Variants in LRRIQ1 observed in about 807,000 individuals in gnomAD.
The protein encoded by LRRIQ1 is leucine-rich repeat- and IQ domain-containing protein 1.
A neutral mutation model predicts 211.9 loss-of-function variants in LRRIQ1; 210 were observed. The observed-to-expected ratio is 0.99, with a 90% CI of 0.89 to 1.11. LRRIQ1 has a LOEUF of 1.11. Among genes scored for constraint, LRRIQ1 ranks in the 50% most tolerant of loss-of-function variants. The pLI is 0.00. For missense variants in LRRIQ1, 2,136 were observed against 1,939.5 expected (o/e 1.10, Z -1.90); for synonymous variants, 699 against 650.1 (o/e 1.08, Z -1.14).
At chr12:85,209,008 A>C (rs1893703359) in intron 24 of LRRIQ1, among the ~76,000 whole-genome samples, 1 of 152,062 alleles carries the variant, frequency 6.6e-6, no homozygotes, top group Admixed American at 6.6e-5. Flanking sequence ...ACAACTTTAA[A>C]CTCACCAGTT....
intron 24 of LRRIQ1, among the ~76,000 whole-genome samples, chr12:85,214,145 T>A (rs1893967135): frequency 6.6e-6 from 1 of 152,020 alleles, no homozygotes; most frequent in African/African-American, 2.4e-5. Flanking sequence ...TAATATTTTT[T>A]AATCAAATAT....
In LRRIQ1 at chr12:85,159,889, A is replaced by G. The variant is rs545400604; in HGVS notation, c.4721-724A>G. Reference sequence around the variant, plus strand: ...TTTAATAACACCTGAGATTACATATATTAATACTTATGAAATGTACCTAAA... The same window carrying G: ...TTTAATAACACCTGAGATTACATATGTTAATACTTATGAAATGTACCTAAA... On this transcript the variant is annotated intron_variant, in intron 23 of 26. Transcript: ENST00000393217. Among the ~76,000 whole-genome samples, 7 of 152,104 alleles carry G rather than the reference A, an allele frequency of 4.6e-5. No individual in the cohort carries two copies. The South Asian group carries it at 8.3e-4, about 18-fold the overall frequency.
chr12:85,103,542 G>A (rs1886545260), intron 13 of LRRIQ1, among the ~76,000 whole-genome samples: 1 of 151,606 alleles, frequency 6.6e-6, no homozygotes, highest in Non-Finnish European at 1.5e-5. Flanking sequence ...AATTTCTCCT[G>A]TTGAAAAGTG....
intron 6 of LRRIQ1, among the ~76,000 whole-genome samples, chr12:85,050,576 A>G (rs1309124104): frequency 1.3e-5 from 2 of 152,116 alleles, no homozygotes; most frequent in Non-Finnish European, 2.9e-5. Flanking sequence ...CTTCTTTTTT[A>G]TTACTATCTT....
At chr12:85,243,065 T>C (rs893403845) in intron 26 of LRRIQ1, among the ~76,000 whole-genome samples, 1 of 151,490 alleles carries the variant, frequency 6.6e-6, no homozygotes, top group African/African-American at 2.4e-5. Flanking sequence ...CATTTTACAA[T>C]ATTAAGGCTT....
chr12:85,072,091 A>G (rs1883146480), intron 10 of LRRIQ1, among the ~76,000 whole-genome samples: 2 of 151,982 alleles, frequency 1.3e-5, no homozygotes, highest in African/African-American at 4.8e-5. Flanking sequence ...TTTCAATCGT[A>G]TTGACATACT....
Position 85,137,844 on chromosome 12 carries a change from G to A in LRRIQ1, c.4210-6G>A. 1 of 1,579,694 alleles carries A rather than the reference G, an allele frequency of 6.3e-7. No homozygotes were observed. On this transcript the variant is annotated splice_region_variant and splice_polypyrimidine_tract_variant and intron_variant, in intron 18 of 26. Coordinates refer to ENST00000393217, the MANE Select transcript of LRRIQ1 (RefSeq NM_001079910.2). ...TTTGTATAACATACTTTACATTTTT[G>A]TTTAGGCAGTTTGGAAGGGCTTTAT...
At chr12:85,170,485 T>C (rs1891365340) in intron 24 of LRRIQ1, among the ~76,000 whole-genome samples, 2 of 150,520 alleles carry the variant, frequency 1.3e-5, no homozygotes, top group South Asian at 2.1e-4. Flanking sequence ...GTATATATAA[T>C]TTACATATCC....
chr12:85,137,823 T>G, intron 18 of LRRIQ1, 27 bp from the exon 19 acceptor site: 1 of 1,558,250 alleles, frequency 6.4e-7, no homozygotes, highest in Non-Finnish European at 8.6e-7. Context: ...TATAACTTTG[T>G]ATAACATACT....
intron 8 of LRRIQ1, among the ~76,000 whole-genome samples, chr12:85,063,627 A>T (rs1032898193): frequency 6.6e-6 from 1 of 151,598 alleles, no homozygotes. Flanking sequence ...CAAATACTAG[A>T]TCATATTCAT....
chr12:85,046,443 G>T (rs557116164), intron 5 of LRRIQ1, among the ~76,000 whole-genome samples: 1 of 151,960 alleles, frequency 6.6e-6, no homozygotes, highest in East Asian at 1.9e-4. Flanking sequence ...CACACTTGTG[G>T]GTTTATTTTT....
chr12:85,234,384 C>G (rs1258099941), intron 26 of LRRIQ1, among the ~76,000 whole-genome samples: 1 of 152,090 alleles, frequency 6.6e-6, no homozygotes. Context: ...CCACTATATA[C>G]AAATAAATAA....
At chr12:85,205,897 A>G (rs1186001445) in intron 24 of LRRIQ1, among the ~76,000 whole-genome samples, 1 of 152,166 alleles carries the variant, frequency 6.6e-6, no homozygotes, top group East Asian at 1.9e-4. Flanking sequence ...TCCTGCTGTT[A>G]ATACTTGTGA....
intron 24 of LRRIQ1, among the ~76,000 whole-genome samples, chr12:85,201,049 T>C (rs11503591): frequency 0.05 from 7,615 of 151,856 alleles, 638 homozygotes; most frequent in African/African-American, 0.17. Flanking sequence ...CAGGCTGGTC[T>C]TGAACTCCTG....
At chr12:85,263,398 A>G in exon 2 of LRRIQ1, 1 of 152,092 alleles carries the variant, frequency 6.6e-6, no homozygotes, top group East Asian at 1.9e-4. Flanking sequence ...CTATACACAT[A>G]AAAGAGAATG....
intron 10 of LRRIQ1, among the ~76,000 whole-genome samples, chr12:85,068,786 CT>C (rs1232759930): frequency 7.4e-4 from 105 of 141,684 alleles, no homozygotes; most frequent in Non-Finnish European, 8.2e-4. Context: ...GTCCTCACGG[CT>C]TTTTTTTTTT....
Position 85,057,045 on chromosome 12 carries a change from C to T in LRRIQ1, c.2252C>T (p.Pro751Leu). The T allele has an allele frequency of 6.2e-7, 1 of 1,608,618 alleles. No individual in the cohort carries two copies. Residue 751 changes from proline to leucine, a missense_variant, in exon 8 of 27, where the codon CCT becomes CTT. Coordinates refer to ENST00000393217, the MANE Select transcript of LRRIQ1 (RefSeq NM_001079910.2). ...CTAGCCTGGATAAAATCATTTAAAC[C>T]TTGGCTTGAAATTTTCAAGCAAAAT... ...RRLAWIKSFK[P>L]WLEIFKQNQQ...
At chr12:85,115,264 T>C (rs747276467) in intron 15 of LRRIQ1, among the ~76,000 whole-genome samples, 2 of 152,198 alleles carry the variant, frequency 1.3e-5, no homozygotes, top group Non-Finnish European at 2.9e-5. Context: ...CTTTCTAATA[T>C]ATTCATCATA....
chr12:85,192,897 T>C (rs1353898919), intron 24 of LRRIQ1, among the ~76,000 whole-genome samples: 1 of 98,804 alleles, frequency 1.0e-5, no homozygotes, highest in Admixed American at 1.7e-4. Flanking sequence ...TATAGTTATA[T>C]ACTATAATTA....
Sources: allele counts gnomAD v4.1 joint callset (sites outside exome capture counted in the v4.1 genomes callset), GRCh38; gene constraint gnomAD v4.1.1; transcripts MANE v1.5; gene names NCBI Gene and HGNC (gene_info 2026-07-23, HGNC 2026-07-21).